The following KLF12 variants were observed in gnomAD, a reference collection of about 807,000 sequenced individuals.
The protein encoded by KLF12 is Krueppel-like factor 12.
In KLF12, 9 loss-of-function variants were observed where a neutral mutation model predicts 37.8. The observed-to-expected ratio is 0.24, with a 90% CI of 0.14 to 0.42. The LOEUF (loss-of-function observed/expected upper bound fraction) is 0.42. Ranked by LOEUF, KLF12 falls within the 10% of genes least tolerant of loss-of-function variation. KLF12 has a pLI of 1.00. For synonymous variants in KLF12, 208 were observed against 202.1 expected (o/e 1.03, Z -0.25); for missense variants, 411 against 516.0 (o/e 0.80, Z 1.97).
intron 3 of KLF12, among the ~76,000 whole-genome samples, chr13:73,896,333 T>G (rs1887767858): frequency 6.6e-6 from 1 of 152,206 alleles, no homozygotes; most frequent in South Asian, 2.1e-4. Flanking sequence ...GAGAAACAGT[T>G]TCTAATGAAA....
At chr13:74,295,033 A>G in the KLF12 span, among the ~76,000 whole-genome samples, 1 of 151,774 alleles carries the variant, frequency 6.6e-6, no homozygotes, top group Non-Finnish European at 1.5e-5. Flanking sequence ...TGGAATACAA[A>G]CTCCTTCAAT....
chr13:73,855,368 G>A (rs771000290), intron 3 of KLF12, among the ~76,000 whole-genome samples: 10 of 152,002 alleles, frequency 6.6e-5, no homozygotes, highest in African/African-American at 1.9e-4. Flanking sequence ...ATGTTAGTTC[G>A]CTTAGGATAA....
chr13:74,152,128 G>A, the KLF12 span, among the ~76,000 whole-genome samples: 1 of 152,132 alleles, frequency 6.6e-6, no homozygotes. Context: ...AGTCCACTGG[G>A]CTCCTACAGT....
intron 1 of KLF12, among the ~76,000 whole-genome samples, chr13:74,061,006 T>G (rs977100516): frequency 2.6e-5 from 4 of 152,356 alleles, no homozygotes; most frequent in Non-Finnish European, 5.9e-5. Flanking sequence ...CCTTGGTCCC[T>G]GGGTTACCAT....
chr13:74,034,229 A>T lies in KLF12; in HGVS notation c.-31-39176T>A, dbSNP rs554174355. 2.0e-5 allele frequency among the ~76,000 whole-genome samples: 3 copies of T among 146,422 alleles called. No individual in the cohort carries two copies. In the East Asian group the frequency reaches 5.9e-4, roughly 29 times the overall value. On this transcript the variant is annotated intron_variant, in intron 1 of 7. Coordinates refer to ENST00000377669, the MANE Select transcript of KLF12 (RefSeq NM_007249.5). Reference sequence around the variant, plus strand: ...AGGCACCCACCACCATGCCTGGCGAATTTTTTGTATTTTTTTTTTAGTAGA... The same window carrying T: ...AGGCACCCACCACCATGCCTGGCGATTTTTTTGTATTTTTTTTTTAGTAGA...
the KLF12 span, among the ~76,000 whole-genome samples, chr13:74,224,313 C>A: frequency 6.6e-6 from 1 of 152,290 alleles, no homozygotes; most frequent in East Asian, 1.9e-4. Context: ...GGGATTAATA[C>A]AAACATGTTT....
At chr13:74,270,570 G>A in the KLF12 span, among the ~76,000 whole-genome samples, 2 of 152,170 alleles carry the variant, frequency 1.3e-5, no homozygotes, top group Non-Finnish European at 2.9e-5. Context: ...TTGGGACCTC[G>A]CAAACCTTGC....
intron 6 of KLF12, among the ~76,000 whole-genome samples, chr13:73,735,090 C>T (rs530693997): frequency 6.9e-6 from 1 of 144,368 alleles, no homozygotes; most frequent in South Asian, 2.2e-4. Flanking sequence ...TAGTTCAAGA[C>T]CAGCCTGGGC....
the KLF12 span, among the ~76,000 whole-genome samples, chr13:74,293,878 G>T: frequency 1.3e-5 from 2 of 152,212 alleles, no homozygotes; most frequent in African/African-American, 2.4e-5. Flanking sequence ...CCACCAGAAT[G>T]CTCTTAAAAG....
chr13:73,787,339 T>G (rs1594091475), intron 5 of KLF12, among the ~76,000 whole-genome samples: 1 of 152,306 alleles, frequency 6.6e-6, no homozygotes, highest in East Asian at 1.9e-4. Flanking sequence ...TTGTCCCAGG[T>G]CATGTAGTTA....
chr13:74,299,416 C>A, the KLF12 span, among the ~76,000 whole-genome samples: 1 of 152,164 alleles, frequency 6.6e-6, no homozygotes, highest in African/African-American at 2.4e-5. Context: ...TTGCTTACTT[C>A]ATAAATTGGA....
chr13:73,692,932 T>C lies in KLF12; in HGVS notation c.*2558A>G, dbSNP rs1291058892. The C allele has an allele frequency of 6.6e-6, 1 of 152,490 alleles. No homozygotes were observed. Among genetic ancestry groups the C allele is most frequent in the Non-Finnish European group, 1.5e-5 (1 of 68,036 alleles). 9.4% of individuals were successfully genotyped at this position (152,490 alleles called of 1,614,324 possible). ...CTTCCCCAAATCCATCCTATGTTAT[T>C]AGAAAAGTGCAACTCATCTAGTTCT... On this transcript the variant is annotated 3_prime_UTR_variant, in exon 8 of 8. Transcript: ENST00000377669.
At chr13:73,742,805 G>A (rs1485813365) in intron 6 of KLF12, among the ~76,000 whole-genome samples, 1 of 152,098 alleles carries the variant, frequency 6.6e-6, no homozygotes, top group Admixed American at 6.6e-5. Flanking sequence ...AAGATGAAAT[G>A]GTGGGACATA....
chr13:74,144,361 T>C, the KLF12 span, among the ~76,000 whole-genome samples: 11 of 152,156 alleles, frequency 7.2e-5, no homozygotes, highest in African/African-American at 2.4e-4. Flanking sequence ...TATCAAAGAT[T>C]ATGACAAAAA....
At chr13:74,114,558 C>T (rs1181262907) in intron 1 of KLF12, among the ~76,000 whole-genome samples, 1 of 151,956 alleles carries the variant, frequency 6.6e-6, no homozygotes, top group East Asian at 1.9e-4. Flanking sequence ...CTCTAAGCTG[C>T]CAAAGAGATT....
At chr13:74,133,448 T>C (rs1305680324) in intron 1 of KLF12, among the ~76,000 whole-genome samples, 2 of 151,780 alleles carry the variant, frequency 1.3e-5, no homozygotes, top group African/African-American at 4.8e-5. Flanking sequence ...TGATAACTTC[T>C]TCTGGAAAAA....
chr13:74,013,200 T>C (rs1261964343), intron 1 of KLF12, among the ~76,000 whole-genome samples: 1 of 152,248 alleles, frequency 6.6e-6, no homozygotes. Flanking sequence ...AAAGGCTAAC[T>C]GGGCATCTCC....
chr13:74,278,224 A>G, the KLF12 span, among the ~76,000 whole-genome samples: 1 of 152,064 alleles, frequency 6.6e-6, no homozygotes, highest in Non-Finnish European at 1.5e-5. Context: ...ATTTCCTGCT[A>G]CCTCAGCCCT....
chr13:73,795,151 T>C (rs1354698436), intron 5 of KLF12, among the ~76,000 whole-genome samples: 1 of 152,226 alleles, frequency 6.6e-6, no homozygotes, highest in Non-Finnish European at 1.5e-5. Context: ...GAATCTTATT[T>C]TTCCCCATGA....
Sources: allele counts gnomAD v4.1 joint callset (sites outside exome capture counted in the v4.1 genomes callset), GRCh38; gene constraint gnomAD v4.1.1; transcripts MANE v1.5; gene names NCBI Gene and HGNC (gene_info 2026-07-23, HGNC 2026-07-21).